The following RBFOX1 variants were observed in gnomAD, a reference collection of about 807,000 sequenced individuals.
The protein encoded by RBFOX1 is RNA binding protein fox-1 homolog 1.
In RBFOX1, 8 loss-of-function variants were observed where a neutral mutation model predicts 57.7. That is an observed-to-expected ratio of 0.14 (90% CI 0.08 to 0.25). The LOEUF is 0.25. Among genes scored for constraint, RBFOX1 ranks in the 10% least tolerant of loss-of-function variants. The pLI is 1.00. For synonymous variants in RBFOX1, 326 were observed against 222.4 expected, an observed-to-expected ratio of 1.47 and a Z score of -4.15; for missense variants, 611 against 548.5, an observed-to-expected ratio of 1.11 and a Z score of -1.14.
intron 4 of RBFOX1, among the ~76,000 whole-genome samples, chr16:7,301,532 G>A (rs193208218): frequency 2.6e-5 from 4 of 152,318 alleles, no homozygotes; most frequent in African/African-American, 9.6e-5. Flanking sequence ...CAACTTTGGG[G>A]AGAAAACGGA....
intron 3 of RBFOX1, among the ~76,000 whole-genome samples, chr16:5,767,537 C>A (rs1015160602): frequency 2.2e-4 from 34 of 152,158 alleles, no homozygotes. Context: ...CTGGAATAGA[C>A]CTGTCCCTAC....
intron 4 of RBFOX1, among the ~76,000 whole-genome samples, chr16:7,270,789 T>A (rs554124507): frequency 6.6e-6 from 1 of 151,144 alleles, no homozygotes; most frequent in African/African-American, 2.5e-5. Context: ...GCTAGCTCTC[T>A]TCTTCCTTCC....
At chr16:6,153,831 C>T (rs113396260) in intron 1 of RBFOX1, among the ~76,000 whole-genome samples, 4,432 of 152,234 alleles carry the variant, frequency 0.029, 205 homozygotes, top group African/African-American at 0.099. Context: ...CCACCATGCC[C>T]GGCCCATTAT....
chr16:5,804,974 T>C (rs562872623), intron 3 of RBFOX1, among the ~76,000 whole-genome samples: 135 of 152,244 alleles, frequency 8.9e-4, no homozygotes, highest in Middle Eastern at 3.4e-3. Flanking sequence ...CTGCAGTATA[T>C]TGGAAAATTT....
At chr16:6,891,366 A>G (rs1336712213) in intron 3 of RBFOX1, among the ~76,000 whole-genome samples, 1 of 152,138 alleles carries the variant, frequency 6.6e-6, no homozygotes, top group Non-Finnish European at 1.5e-5. Flanking sequence ...TAAGATACAG[A>G]CACTAAATTT....
chr16:6,584,008 A>AAG (rs1346242569), intron 2 of RBFOX1, among the ~76,000 whole-genome samples: 7 of 151,900 alleles, frequency 4.6e-5, no homozygotes, highest in Non-Finnish European at 1.0e-4. Flanking sequence ...ATTTAAAAAA[A>AAG]AAAAAGAAAC....
chr16:6,784,948 C>T (rs952658630), intron 3 of RBFOX1, among the ~76,000 whole-genome samples: 1 of 152,040 alleles, frequency 6.6e-6, no homozygotes, highest in Non-Finnish European at 1.5e-5. Context: ...AGCAGTGTTT[C>T]TTAACTGCTC....
intron 3 of RBFOX1, among the ~76,000 whole-genome samples, chr16:6,707,478 G>GTT (rs61418784): frequency 0.077 from 9,924 of 128,214 alleles, 664 homozygotes; most frequent in African/African-American, 0.14. Flanking sequence ...TCCCATTTTT[G>GTT]TTTTTTTTTT....
intron 2 of RBFOX1, among the ~76,000 whole-genome samples, chr16:6,535,205 A>G (rs956552878): frequency 2.0e-5 from 3 of 152,116 alleles, no homozygotes; most frequent in Admixed American, 6.6e-5. Flanking sequence ...TCCTGGGAAA[A>G]TCCTCTGTTC....
chr16:6,784,551 A>G (rs1484227382), intron 3 of RBFOX1, among the ~76,000 whole-genome samples: 1 of 152,160 alleles, frequency 6.6e-6, no homozygotes, highest in Non-Finnish European at 1.5e-5. Flanking sequence ...AGTTTTCTCA[A>G]GACAACCATT....
intron 4 of RBFOX1, among the ~76,000 whole-genome samples, chr16:7,274,748 A>G (rs2095408014): frequency 6.6e-6 from 1 of 152,000 alleles, no homozygotes; most frequent in Non-Finnish European, 1.5e-5. Context: ...GCAGTAAGAC[A>G]ATCTTAGCTC....
At chr16:6,608,347 T>G (rs55982107) in intron 2 of RBFOX1, among the ~76,000 whole-genome samples, 1 of 152,116 alleles carries the variant, frequency 6.6e-6, no homozygotes, top group African/African-American at 2.4e-5. Flanking sequence ...CTGGCTTAAA[T>G]CCCAGTATTA....
chr16:5,246,110 C>T (rs1323118548), intron 1 of RBFOX1, among the ~76,000 whole-genome samples: 1 of 152,120 alleles, frequency 6.6e-6, no homozygotes, highest in Admixed American at 6.5e-5. Context: ...GGTGTGATGG[C>T]ACACACCTGT....
chr16:6,851,251 A>C (rs1038898895), intron 3 of RBFOX1, among the ~76,000 whole-genome samples: 1 of 152,200 alleles, frequency 6.6e-6, no homozygotes, highest in Non-Finnish European at 1.5e-5. Context: ...TAGAGAATCA[A>C]TGCGTGGTTG....
chr16:5,734,801 G>C (rs984354305), intron 3 of RBFOX1, among the ~76,000 whole-genome samples: 1 of 152,106 alleles, frequency 6.6e-6, no homozygotes, highest in Admixed American at 6.5e-5. Context: ...AGCTCAGTGG[G>C]AGCTCATCCA....
At chr16:5,485,178 C>G (rs1400558435) in intron 2 of RBFOX1, among the ~76,000 whole-genome samples, 2 of 151,614 alleles carry the variant, frequency 1.3e-5, no homozygotes, top group East Asian at 1.9e-4. Context: ...AACCCCGTCT[C>G]TACTAAAAAT....
chr16:5,955,160 T>C (rs1399446075), intron 4 of RBFOX1, among the ~76,000 whole-genome samples: 1 of 80,580 alleles, frequency 1.2e-5, no homozygotes, highest in African/African-American at 5.5e-5. Context: ...GGCGCACCTG[T>C]AGTCCCAGCT....
intron 4 of RBFOX1, among the ~76,000 whole-genome samples, chr16:7,252,500 C>T (rs8044414): frequency 0.67 from 101,467 of 151,464 alleles, 35,566 homozygotes; most frequent in African/African-American, 0.88. Flanking sequence ...AAATTTTGCA[C>T]AGATCTTTAT....
At chr16:6,179,083 C>T (rs2097040126) in intron 1 of RBFOX1, among the ~76,000 whole-genome samples, 1 of 152,164 alleles carries the variant, frequency 6.6e-6, no homozygotes, top group Non-Finnish European at 1.5e-5. Flanking sequence ...GGAAGAACAG[C>T]TGTCTTACCA....
Sources: allele counts gnomAD v4.1 joint callset (sites outside exome capture counted in the v4.1 genomes callset), GRCh38; gene constraint gnomAD v4.1.1; transcripts MANE v1.5; gene names NCBI Gene and HGNC (gene_info 2026-07-23, HGNC 2026-07-21).